RTL1: variants seen among roughly 807,000 people sequenced by gnomAD.
RTL1 encodes retrotransposon Gag like 1.
For missense variants in RTL1, 1,681 were observed against 1,767.5 expected, an observed-to-expected ratio of 0.95 and a Z score of 0.88; for synonymous variants, 727 against 748.4, an observed-to-expected ratio of 0.97 and a Z score of 0.47.
Position 100,882,462 on chromosome 14 carries a change from T to C in RTL1, c.2327A>G (p.Glu776Gly). 6.4e-7 allele frequency: 1 copy of C among 1,552,126 alleles called. No individual in the cohort carries two copies. Among genetic ancestry groups the C allele is most frequent in the Non-Finnish European group, 8.7e-7 (1 of 1,147,106 alleles). ...DKSQFHRQTV[E>G]FLGFVVTPKG... ...GGGGGTGACGACGAAGCCCAGGAATTCCACGGTTTGGCGGTGGAACTGGCT... is the reference window on the plus strand; with the variant it reads ...GGGGGTGACGACGAAGCCCAGGAATCCCACGGTTTGGCGGTGGAACTGGCT... The change falls in exon 4 of 4, where the codon GAA becomes GGA. Residue 776 changes from glutamate (E) to glycine (G), a missense_variant. By Grantham distance (98) the Glu-to-Gly change is moderately conservative (BLOSUM62 -2). Coordinates refer to ENST00000649591, the MANE Select transcript of RTL1 (RefSeq NM_001134888.3).
chr14:100,902,631 G>GTAGGCAGCCA (rs1404110736), intron 2 of RTL1, among the ~76,000 whole-genome samples: 1 of 152,220 alleles, frequency 6.6e-6, no homozygotes, highest in East Asian at 1.9e-4. Flanking sequence ...AGCAGCAGCA[G>GTAGGCAGCCA]CAGTAGGCAG....
intron 2 of RTL1, chr14:100,897,763 T>TGGGGGGGGGGGGG (rs1566760864): frequency 1.5e-4 from 4 of 26,742 alleles, no homozygotes; most frequent in African/African-American, 3.9e-4. Flanking sequence ...GGGGGGGGGG[T>TGGGGGGGGGGGGG]GGGGGGGTGG....
In RTL1 at chr14:100,882,092, C is replaced by T. The variant is rs1252053297; in HGVS notation, c.2697G>A (p.Lys899=). The change falls in exon 4 of 4, where the codon AAG becomes AAA. Residue 899 remains lysine, a synonymous_variant. Coordinates refer to ENST00000649591, the MANE Select transcript of RTL1 (RefSeq NM_001134888.3). ...SLIQIDDQTG[K]RACCAFYSRN... Reference sequence around the variant, plus strand: ...GGGAGTAGAAAGCGCAGCAGGCTCTCTTGCCGGTTTGGTCGTCGATTTGGA... The same window carrying T: ...GGGAGTAGAAAGCGCAGCAGGCTCTTTTGCCGGTTTGGTCGTCGATTTGGA... 6.3e-6 allele frequency: 10 copies of T among 1,583,536 alleles called. No homozygotes were observed. The highest frequency in any genetic ancestry group is 8.6e-6 in the Non-Finnish European group (10 of 1,164,202).
rs1039565379 is a variant in RTL1, at chr14:100,903,339, G to A, written c.-197C>T. The stretch of plus-strand genomic sequence containing the variant: ...GTGAGGCTGGGGATGAAGTGATGCC[G>A]GTGGCTTAGTGATGCCGGTGGCTTC... On this transcript the variant is annotated 5_prime_UTR_variant, in exon 2 of 4. Coordinates refer to ENST00000649591, the MANE Select transcript of RTL1 (RefSeq NM_001134888.3). Among the ~76,000 whole-genome samples, 5 of 152,018 alleles carry A rather than the reference G, an allele frequency of 3.3e-5. No individual in the cohort carries two copies. The highest frequency in any genetic ancestry group is 5.9e-5 in the Non-Finnish European group (4 of 68,012).
chr14:100,886,064 G>A (rs2038694025), intron 3 of RTL1, among the ~76,000 whole-genome samples: 1 of 152,076 alleles, frequency 6.6e-6, no homozygotes, highest in African/African-American at 2.4e-5. Flanking sequence ...GGAATGTCTT[G>A]GTTGGGGTTA....
rs1017661200 is a variant in RTL1 at position 100,883,519 on chromosome 14, C to T, written c.1270G>A (p.Ala424Thr). The T allele has an allele frequency of 3.2e-5, 49 of 1,551,472 alleles. No homozygotes were observed. The Admixed American group carries it at 3.7e-4, about 12-fold the overall frequency. The change falls in exon 4 of 4, where the codon GCG becomes ACG. Residue 424 changes from alanine (A) to threonine (T), a missense_variant. Coordinates refer to ENST00000649591, the MANE Select transcript of RTL1 (RefSeq NM_001134888.3). The surrounding 1 kb of genome is among the most constrained non-coding windows in gnomAD (Gnocchi z 5.9). ...MVRVNPYHSV[A>T]VQALVDSGAD... Reference sequence around the variant, plus strand: ...CCCGAATCCACCAGGGCCTGGACCGCGACGCTGTGGTAGGGGTTCACTCTC... The same window carrying T: ...CCCGAATCCACCAGGGCCTGGACCGTGACGCTGTGGTAGGGGTTCACTCTC...
At chr14:100,897,795 T>G (rs2140057146) in intron 2 of RTL1, 3 of 134,778 alleles carry the variant, frequency 2.2e-5, no homozygotes, top group African/African-American at 3.4e-5. Context: ...GGGCAGTGAA[T>G]TGGTGGCGGC....
chr14:100,884,679 G>A lies in RTL1; in HGVS notation c.110C>T (p.Ser37Leu), dbSNP rs372213717. Reference sequence around the variant, plus strand: ...TGCCTCTCCCCGCACTCCACTGCCCGACGTCGCCTCGGTGGTGTTGGATGA... The same window carrying A: ...TGCCTCTCCCCGCACTCCACTGCCCAACGTCGCCTCGGTGGTGTTGGATGA... The part of the protein sequence containing the change: ...EGSSNTTEAT[S>L]GSGVRGEAGP... Residue 37 changes from serine (S) to leucine (L), a missense_variant, in exon 4 of 4, where the codon TCG becomes TTG. Physicochemically the swap from Ser to Leu is moderately radical, Grantham distance 145. Coordinates refer to ENST00000649591, the MANE Select transcript of RTL1 (RefSeq NM_001134888.3). 4 of 1,613,560 alleles carry A rather than the reference G, an allele frequency of 2.5e-6. No individual in the cohort carries two copies. The highest frequency in any genetic ancestry group is 1.7e-5 in the Admixed American group (1 of 59,990).
intron 3 of RTL1, among the ~76,000 whole-genome samples, chr14:100,891,419 G>T (rs750134014): frequency 6.6e-6 from 1 of 152,156 alleles, no homozygotes; most frequent in East Asian, 1.9e-4. Flanking sequence ...GTAGAACTAC[G>T]CTGTCCCCAG....
Position 100,881,478 on chromosome 14 carries a change from C to G in RTL1, c.3311G>C (p.Cys1104Ser), listed in dbSNP as rs1216502119. Residue 1104 changes from cysteine (C) to serine (S), a missense_variant, in exon 4 of 4, where the codon TGC becomes TCC. Coordinates refer to ENST00000649591, the MANE Select transcript of RTL1 (RefSeq NM_001134888.3). The surrounding 1 kb of genome is among the most constrained non-coding windows in gnomAD (Gnocchi z 6.6). The stretch of plus-strand genomic sequence containing the variant: ...GGCGGGTGCCGGCCGCAGCGAGAGG[C>G]ATTGCCTCACGCGCAGTAGCACGAG... ...AILVLLRVRQCLSLRPAPAMR... is the reference protein window; with the variant it reads ...AILVLLRVRQSLSLRPAPAMR... 1 of 1,551,288 alleles carries G rather than the reference C, an allele frequency of 6.4e-7. No homozygotes were observed. Among genetic ancestry groups the G allele is most frequent in the Non-Finnish European group, 8.7e-7 (1 of 1,146,972 alleles).
At chr14:100,892,034 G>T (rs777826233) in intron 3 of RTL1, among the ~76,000 whole-genome samples, 1 of 152,206 alleles carries the variant, frequency 6.6e-6, no homozygotes, top group Non-Finnish European at 1.5e-5. Flanking sequence ...TGGGGTCGTC[G>T]TATTATTTCA....
chr14:100,886,223 A>C (rs1305735312), intron 3 of RTL1, among the ~76,000 whole-genome samples: 1 of 152,046 alleles, frequency 6.6e-6, no homozygotes, highest in Non-Finnish European at 1.5e-5. Context: ...GTAAAAAAAA[A>C]AAAAAAAACT....
intron 3 of RTL1, among the ~76,000 whole-genome samples, chr14:100,890,768 T>G (rs1286798820): frequency 6.6e-6 from 1 of 151,956 alleles, no homozygotes; most frequent in African/African-American, 2.4e-5. Context: ...CTACTGGGTC[T>G]TAGGAGGGAA....
Position 100,884,091 on chromosome 14 carries a change from T to C in RTL1, c.698A>G (p.Asn233Ser), listed in dbSNP as rs1053505595. Residue 233 changes from asparagine to serine, a missense_variant, in exon 4 of 4, where the codon AAC becomes AGC. Physicochemically the swap from Asn to Ser is conservative, Grantham distance 46. Transcript: ENST00000649591. Reference protein sequence around the residue: ...TLQSYPRMFYNDRLRVGYVIN... With the variant: ...TLQSYPRMFYSDRLRVGYVIN... ...GACATAGCCAACTCTCAGACGGTCGTTATAGAACATTCTTGGGTAGCTCTG... is the reference window on the plus strand; with the variant it reads ...GACATAGCCAACTCTCAGACGGTCGCTATAGAACATTCTTGGGTAGCTCTG... 1 of 1,551,656 alleles carries C rather than the reference T, an allele frequency of 6.4e-7. No homozygotes were observed. Among genetic ancestry groups the C allele is most frequent in the South Asian group, 1.2e-5 (1 of 84,052 alleles).
rs185918921 is a variant in RTL1, at chr14:100,902,770, G to A, written c.-149+521C>T. ...GTGAAATGGAGATGAGAGTTTCTCCGTCACTGGCGTGAAGTGAGGACTAAA... is the reference window on the plus strand; with the variant it reads ...GTGAAATGGAGATGAGAGTTTCTCCATCACTGGCGTGAAGTGAGGACTAAA... On this transcript the variant is annotated intron_variant, in intron 2 of 3. Transcript: ENST00000649591. Among the ~76,000 whole-genome samples, 447 of 152,324 alleles carry A rather than the reference G, an allele frequency of 2.9e-3. 2 individuals are homozygous for A. Among genetic ancestry groups the A allele is most frequent in the African/African-American group, 0.01 (424 of 41,568 alleles).
chr14:100,894,193 C>A (rs1038868581), intron 2 of RTL1, among the ~76,000 whole-genome samples: 1 of 151,350 alleles, frequency 6.6e-6, no homozygotes, highest in Non-Finnish European at 1.5e-5. Context: ...GCCTGTAATC[C>A]CAGCTACTTG....
At position 100,882,375 on chromosome 14, in the gene RTL1, G is replaced by C; in HGVS notation, c.2414C>G (p.Ser805Cys). 1 of 1,551,756 alleles carries C rather than the reference G, an allele frequency of 6.4e-7. No homozygotes were observed. Among genetic ancestry groups the C allele is most frequent in the Non-Finnish European group, 8.7e-7 (1 of 1,146,990 alleles). ...TIITGYPTPG[S>C]KLSLRNFIEF... is the part of the protein sequence containing the mutation. ...GATGAAGTTTCGCAGAGATAGCTTG[G>C]AGCCAGGGGTAGGGTACCCTGTTAT... is the stretch of plus-strand genomic sequence containing the variant. The change falls in exon 4 of 4, where the codon TCC becomes TGC. Residue 805 changes from serine (S) to cysteine (C), a missense_variant. Coordinates refer to ENST00000649591, the MANE Select transcript of RTL1 (RefSeq NM_001134888.3).
intron 3 of RTL1, among the ~76,000 whole-genome samples, chr14:100,890,272 G>A (rs1319080420): frequency 6.6e-6 from 1 of 151,978 alleles, no homozygotes; most frequent in East Asian, 1.9e-4. Context: ...CATTGGGTCA[G>A]GGCTGCCAAC....
At position 100,880,648 on chromosome 14, in the gene RTL1, G is replaced by A; in HGVS notation, c.*64C>T. 2 of 1,539,848 alleles carry A rather than the reference G, an allele frequency of 1.3e-6. No homozygotes were observed. The highest frequency in any genetic ancestry group is 8.8e-7 in the Non-Finnish European group (1 of 1,141,876). Reference sequence around the variant, plus strand: ...CAGGCTGAGGCGCGGGGAGGCCAGGGGACGTCGGGAGGTGTTGGGGTGAGA... The same window carrying A: ...CAGGCTGAGGCGCGGGGAGGCCAGGAGACGTCGGGAGGTGTTGGGGTGAGA... On this transcript the variant is annotated 3_prime_UTR_variant, in exon 4 of 4. Transcript: ENST00000649591.
Sources: allele counts gnomAD v4.1 joint callset (sites outside exome capture counted in the v4.1 genomes callset), GRCh38; gene constraint gnomAD v4.1.1; non-coding constraint Gnocchi (gnomAD v3.1); transcripts MANE v1.5; gene names NCBI Gene and HGNC (gene_info 2026-07-23, HGNC 2026-07-21).